Variants in NAT1 observed in about 807,000 individuals in gnomAD.
The protein encoded by NAT1 is N-acetyltransferase 1.
For synonymous variants in NAT1, 144 were observed against 122.6 expected, an observed-to-expected ratio of 1.17 and a Z score of -1.16; for missense variants, 400 against 339.2, an observed-to-expected ratio of 1.18 and a Z score of -1.41.
chr8:18,175,576 T>C (rs1374108123), intron 2 of NAT1, among the ~76,000 whole-genome samples: 1 of 152,170 alleles, frequency 6.6e-6, no homozygotes, highest in African/African-American at 2.4e-5. Context: ...TAGTATTCCA[T>C]TGTGTAATAT....
chr8:18,198,296 G>T (rs978337774), intron 2 of NAT1, among the ~76,000 whole-genome samples: 2 of 152,172 alleles, frequency 1.3e-5, no homozygotes, highest in East Asian at 3.9e-4. Flanking sequence ...TATGAGAGAG[G>T]ATGATCATTA....
upstream of NAT1, among the ~76,000 whole-genome samples, chr8:18,206,602 G>C (rs1173678339): frequency 6.6e-6 from 1 of 152,106 alleles, no homozygotes; most frequent in Non-Finnish European, 1.5e-5. Flanking sequence ...TGTGTTGGCC[G>C]CATAAATATC....
chr8:18,185,604 C>T (rs985067319), intron 2 of NAT1, among the ~76,000 whole-genome samples: 1 of 152,084 alleles, frequency 6.6e-6, no homozygotes, highest in Non-Finnish European at 1.5e-5. Context: ...AAAAACAAAA[C>T]AAATCTTAAT....
At chr8:18,213,663 C>G (rs1201020437) in intron 1 of NAT1, among the ~76,000 whole-genome samples, 1 of 152,130 alleles carries the variant, frequency 6.6e-6, no homozygotes, top group Admixed American at 6.5e-5. Flanking sequence ...CTGGTGCTGC[C>G]TGGCTCATGA....
At chr8:18,202,647 G>C (rs187368468) in intron 2 of NAT1, among the ~76,000 whole-genome samples, 73 of 152,306 alleles carry the variant, frequency 4.8e-4, no homozygotes, top group Non-Finnish European at 7.9e-4. Context: ...AGCTATTAAA[G>C]GTGGTGCGTC....
chr8:18,180,805 G>C (rs995102844), intron 2 of NAT1, among the ~76,000 whole-genome samples: 14 of 152,068 alleles, frequency 9.2e-5, no homozygotes, highest in Non-Finnish European at 1.6e-4. Flanking sequence ...TTTTAAAAAT[G>C]AGGTGGCTGG....
At chr8:18,184,047 G>T (rs958834285) in intron 2 of NAT1, among the ~76,000 whole-genome samples, 3 of 151,892 alleles carry the variant, frequency 2.0e-5, no homozygotes, top group African/African-American at 4.8e-5. Flanking sequence ...GCGGGGTGGT[G>T]GGGGGGTCCC....
In NAT1 at chr8:18,222,600, A is replaced by G; in HGVS notation, c.553A>G (p.Lys185Glu). 1 of 1,613,276 alleles carries G rather than the reference A, an allele frequency of 6.2e-7. No individual in the cohort carries two copies. The highest frequency in any genetic ancestry group is 8.5e-7 in the Non-Finnish European group (1 of 1,179,670). Reference protein sequence around the residue: ...FLHSDLLEDSKYRKIYSFTLK... With the variant: ...FLHSDLLEDSEYRKIYSFTLK... ...TCATTCTGATCTCCTAGAAGACAGC[A>G]AATACCGAAAAATCTACTCCTTTAC... The change falls in exon 3 of 3, where the codon AAA becomes GAA. Residue 185 changes from lysine (K) to glutamate (E), a missense_variant. Physicochemically the swap from Lys to Glu is moderately conservative, Grantham distance 56. Coordinates refer to ENST00000307719, the MANE Select transcript of NAT1 (RefSeq NM_000662.8).
rs1314527168 is a variant in NAT1, at chr8:18,223,277, G to T, written c.*357G>T. 6.0e-6 allele frequency: 1 copy of T among 166,992 alleles called. No homozygotes were observed. Among genetic ancestry groups the T allele is most frequent in the African/African-American group, 2.4e-5 (1 of 41,396 alleles). 10.3% of individuals were successfully genotyped at this position (166,992 alleles called of 1,614,324 possible). A position where few individuals can be genotyped will look rare whatever the true frequency, so the allele number is the denominator to read the frequency against. On this transcript the variant is annotated 3_prime_UTR_variant, in exon 3 of 3. Coordinates refer to ENST00000307719, the MANE Select transcript of NAT1 (RefSeq NM_000662.8). ...ATAAAATATTGTAAAAAAACTTATT[G>T]TCTATAAAGTATATTAAAACATTGT...
intron 2 of NAT1, among the ~76,000 whole-genome samples, chr8:18,188,854 G>C (rs563586042): frequency 1.2e-4 from 18 of 151,768 alleles, no homozygotes; most frequent in African/African-American, 4.3e-4. Flanking sequence ...AATTAGCCAG[G>C]TGTGGTGGTG....
intron 2 of NAT1, among the ~76,000 whole-genome samples, chr8:18,190,819 C>T (rs748591688): frequency 7.9e-5 from 12 of 152,102 alleles, no homozygotes; most frequent in Non-Finnish European, 1.2e-4. Flanking sequence ...GTAATCCCAG[C>T]GCTTTGGGAG....
At chr8:18,219,381 A>G (rs772155612) in intron 1 of NAT1, 30 bp from the exon 2 acceptor site, 2 of 1,443,898 alleles carry the variant, frequency 1.4e-6, no homozygotes, top group Non-Finnish European at 1.9e-6. Context: ...CATGTTATAT[A>G]TTTCTGACTG....
intron 2 of NAT1, among the ~76,000 whole-genome samples, chr8:18,199,683 A>C (rs113253184): frequency 9.4e-4 from 143 of 152,214 alleles, no homozygotes; most frequent in Middle Eastern, 3.4e-3. Context: ...ATGACCTTTG[A>C]GTGTGTGATG....
Position 18,197,619 on chromosome 8 carries a change from G to T in NAT1, n.93-12162G>T, listed in dbSNP as rs563095974. 4.6e-5 allele frequency among the ~76,000 whole-genome samples: 7 copies of T among 152,258 alleles called. No individual in the cohort carries two copies. The East Asian group carries it at 1.3e-3, about 29-fold the overall frequency. On this transcript the variant is annotated intron_variant and non_coding_transcript_variant, in intron 2 of 4. Transcript: ENST00000517441. ...CTGGTATGTTCTACACTTTCATTAG[G>T]GTCCTGATGAAACTCTTAAAACTTG...
Position 18,223,614 on chromosome 8 carries a change from T to A in NAT1, c.*694T>A, listed in dbSNP as rs1475286112. ...AAAATTATTTGTTATATGGATCAAG[T>A]AATAACGTCAGTAATGTTTTTGGTA... is the stretch of plus-strand genomic sequence containing the variant. On this transcript the variant is annotated 3_prime_UTR_variant, in exon 3 of 3. Transcript: ENST00000307719. 1 of 166,964 alleles carries A rather than the reference T, an allele frequency of 6.0e-6. No individual in the cohort carries two copies. The highest frequency in any genetic ancestry group is 1.5e-5 in the Non-Finnish European group (1 of 68,114). The allele number at this position is 166,964 out of a possible 1,614,324, so 10.3% of individuals were successfully genotyped here. A position where few individuals can be genotyped will look rare whatever the true frequency, so the allele number is the denominator to read the frequency against.
intron 2 of NAT1, among the ~76,000 whole-genome samples, chr8:18,187,410 C>T (rs745460236): frequency 1.3e-5 from 2 of 152,288 alleles, no homozygotes; most frequent in Non-Finnish European, 2.9e-5. Context: ...ATGTTCATTG[C>T]AGCACTATTC....
At chr8:18,192,584 C>A (rs1466808060) in intron 2 of NAT1, among the ~76,000 whole-genome samples, 1 of 152,102 alleles carries the variant, frequency 6.6e-6, no homozygotes, top group African/African-American at 2.4e-5. Flanking sequence ...AGACTTGGAA[C>A]CAACCCAAAT....
At chr8:18,200,148 T>C (rs1803401637) in intron 2 of NAT1, among the ~76,000 whole-genome samples, 1 of 152,106 alleles carries the variant, frequency 6.6e-6, no homozygotes, top group African/African-American at 2.4e-5. Flanking sequence ...GCTCAAACAA[T>C]TTAAAACAAA....
intron 2 of NAT1, among the ~76,000 whole-genome samples, chr8:18,184,505 C>T (rs1802654158): frequency 6.6e-6 from 1 of 152,156 alleles, no homozygotes; most frequent in African/African-American, 2.4e-5. Flanking sequence ...TTCTTTTATC[C>T]ATTTAATCTA....
Sources: allele counts gnomAD v4.1 joint callset (sites outside exome capture counted in the v4.1 genomes callset), GRCh38; gene constraint gnomAD v4.1.1; transcripts MANE v1.5; gene names NCBI Gene and HGNC (gene_info 2026-07-23, HGNC 2026-07-21).